GRIK1: variants seen among roughly 807,000 people sequenced by gnomAD.
GRIK1 encodes the protein glutamate ionotropic receptor kainate type subunit 1, also known as glutamate receptor ionotropic, kainate 1.
A neutral mutation model predicts 105.7 loss-of-function variants in GRIK1; 69 were observed. The ratio of observed to expected loss-of-function variants is 0.65; its 90% CI spans 0.54 to 0.80. The LOEUF (loss-of-function observed/expected upper bound fraction) is 0.80, where lower values mean the gene tolerates loss of function less well. Ranked by LOEUF, GRIK1 falls within the 30% of genes least tolerant of loss-of-function variation. GRIK1 has a pLI of 0.00. For synonymous variants in GRIK1, 438 were observed against 431.3 expected, an observed-to-expected ratio of 1.02 and a Z score of -0.19; for missense variants, 1,109 against 1,167.3, an observed-to-expected ratio of 0.95 and a Z score of 0.73.
intron 1 of GRIK1, among the ~76,000 whole-genome samples, chr21:29,707,840 C>A (rs1312075241): frequency 1.3e-5 from 2 of 150,200 alleles, no homozygotes. Context: ...TGAACATAAT[C>A]CACCTTTTCA....
intron 1 of GRIK1, among the ~76,000 whole-genome samples, chr21:29,831,804 C>T (rs989415484): frequency 2.6e-5 from 4 of 152,106 alleles, no homozygotes; most frequent in Non-Finnish European, 4.4e-5. Flanking sequence ...CATCTCATGT[C>T]CTTCTCACAC....
intron 1 of GRIK1, chr21:29,761,440 AT>A (rs1404613789): frequency 6.6e-6 from 1 of 152,236 alleles, no homozygotes; most frequent in Non-Finnish European, 1.5e-5. Context: ...CAGTCCTGCC[AT>A]TTAGCTTAAG....
chr21:29,865,635 A>G (rs1036155910), intron 1 of GRIK1, among the ~76,000 whole-genome samples: 1 of 152,280 alleles, frequency 6.6e-6, no homozygotes, highest in Non-Finnish European at 1.5e-5. Flanking sequence ...TGCATAAATT[A>G]TGGGGCATAT....
chr21:29,655,728 G>A (rs2062835493), intron 4 of GRIK1, among the ~76,000 whole-genome samples: 1 of 152,042 alleles, frequency 6.6e-6, no homozygotes. Flanking sequence ...AAAAGGATAG[G>A]GACTATTCTG....
At chr21:29,545,642 A>G (rs1050583897) in intron 16 of GRIK1, among the ~76,000 whole-genome samples, 1 of 152,034 alleles carries the variant, frequency 6.6e-6, no homozygotes, top group Admixed American at 6.6e-5. Flanking sequence ...CGTATGCACT[A>G]CACGCATAGC....
chr21:29,775,713 T>G (rs2065926493), intron 1 of GRIK1, among the ~76,000 whole-genome samples: 1 of 152,206 alleles, frequency 6.6e-6, no homozygotes, highest in Non-Finnish European at 1.5e-5. Context: ...CTAAGTCATT[T>G]TTTTACCTTT....
rs60618188 is a variant in GRIK1, at chr21:29,767,864, A to ATGTG, written c.119-73805_119-73802dup. 5.4e-3 allele frequency among the ~76,000 whole-genome samples: 791 copies of ATGTG among 147,324 alleles called. 3 individuals are homozygous for ATGTG. Among genetic ancestry groups the ATGTG allele is most frequent in the South Asian group, 5.6e-3 (26 of 4,676 alleles). On this transcript the variant is annotated intron_variant, in intron 1 of 17. Transcript: ENST00000327783. ...TGTGTGTTCTCCTCAGCTGAAATTC[A>ATGTG]TGTGTGTGTGTGTGTGTGTGTGTGT...
chr21:29,787,145 C>A (rs575579156), intron 1 of GRIK1, among the ~76,000 whole-genome samples: 18 of 152,306 alleles, frequency 1.2e-4, no homozygotes, highest in African/African-American at 4.3e-4. Context: ...CAGGCAAATT[C>A]GCTGTTCAAA....
chr21:29,760,809 C>A (rs111756969), intron 1 of GRIK1, among the ~76,000 whole-genome samples: 33 of 152,260 alleles, frequency 2.2e-4, no homozygotes, highest in African/African-American at 7.7e-4. Flanking sequence ...GAAAACTGTA[C>A]CTCTGTAGAT....
At chr21:29,615,302 C>CT (rs563474141) in intron 7 of GRIK1, among the ~76,000 whole-genome samples, 2 of 148,796 alleles carry the variant, frequency 1.3e-5, no homozygotes, top group South Asian at 2.1e-4. Context: ...CCCACTATTC[C>CT]TTTTTTTCTT....
chr21:29,817,410 T>A (rs1473251638), intron 1 of GRIK1, among the ~76,000 whole-genome samples: 1 of 152,128 alleles, frequency 6.6e-6, no homozygotes, highest in Non-Finnish European at 1.5e-5. Flanking sequence ...CATTACTTAA[T>A]AATAGTAAAT....
intron 1 of GRIK1, among the ~76,000 whole-genome samples, chr21:29,766,384 G>C (rs918077124): frequency 6.6e-6 from 1 of 152,126 alleles, no homozygotes; most frequent in Admixed American, 6.6e-5. Flanking sequence ...CCAGGGTGTT[G>C]CTAAACATTC....
In GRIK1 at chr21:29,625,412, G is replaced by A. The variant is rs1372764954; in HGVS notation, c.1098+17414C>T. Among the ~76,000 whole-genome samples, 4 of 152,096 alleles carry A rather than the reference G, an allele frequency of 2.6e-5. No homozygotes were observed. The East Asian group carries it at 7.7e-4, about 29-fold the overall frequency. On this transcript the variant is annotated intron_variant, in intron 7 of 17. Transcript: ENST00000327783. The stretch of plus-strand genomic sequence containing the variant: ...CCTTAGTAGAGCATAGAAGGCCCTT[G>A]ATTATCTGGCCTCTGCTGATACCAT...
In GRIK1 at chr21:29,708,942, G is replaced by A. The variant is rs1214029514; in HGVS notation, c.119-14879C>T. Among the ~76,000 whole-genome samples, 6 of 152,064 alleles carry A rather than the reference G, an allele frequency of 3.9e-5. No individual in the cohort carries two copies. In the East Asian group the frequency reaches 1.2e-3, roughly 29 times the overall value. ...CTATTGGGTTTTTAACAAGATTTTT[G>A]TGTTTTCATAATTTAGTTCATTTAA... On this transcript the variant is annotated intron_variant, in intron 1 of 17. Transcript: ENST00000327783.
intron 1 of GRIK1, among the ~76,000 whole-genome samples, chr21:29,788,077 TGATAAA>T (rs1601698132): frequency 1.3e-5 from 2 of 152,308 alleles, no homozygotes; most frequent in East Asian, 3.9e-4. Flanking sequence ...CAGTTATAGG[TGATAAA>T]GATAAAAGTA....
At chr21:29,652,191 G>C (rs1200274165) in intron 5 of GRIK1, among the ~76,000 whole-genome samples, 1 of 152,176 alleles carries the variant, frequency 6.6e-6, no homozygotes, top group African/African-American at 2.4e-5. Flanking sequence ...CTGAGGTTCT[G>C]AGTGGTGATG....
intron 8 of GRIK1, among the ~76,000 whole-genome samples, chr21:29,597,848 C>A (rs1193599314): frequency 2.6e-5 from 4 of 151,578 alleles, no homozygotes; most frequent in Non-Finnish European, 4.4e-5. Flanking sequence ...TAGTTAGCAC[C>A]TGCAAAAAAA....
chr21:29,812,780 C>A (rs1192723145), intron 1 of GRIK1, among the ~76,000 whole-genome samples: 1 of 152,124 alleles, frequency 6.6e-6, no homozygotes, highest in Admixed American at 6.6e-5. Flanking sequence ...GTCAGTCAGT[C>A]CCCTTGTGTC....
intron 1 of GRIK1, among the ~76,000 whole-genome samples, chr21:29,716,300 A>G (rs2064175695): frequency 6.6e-6 from 1 of 152,214 alleles, no homozygotes; most frequent in African/African-American, 2.4e-5. Flanking sequence ...GGGTGCTGCT[A>G]TAAAGATATC....
Sources: allele counts gnomAD v4.1 joint callset (sites outside exome capture counted in the v4.1 genomes callset), GRCh38; gene constraint gnomAD v4.1.1; transcripts MANE v1.5; gene names NCBI Gene and HGNC (gene_info 2026-07-23, HGNC 2026-07-21).